SSC5D: variants seen among roughly 807,000 people sequenced by gnomAD.
SSC5D encodes scavenger receptor cysteine rich family member with 5 domains, also known as soluble scavenger receptor cysteine-rich domain-containing protein SSC5D.
In SSC5D, 106 loss-of-function variants were observed where a neutral mutation model predicts 104.6. The observed-to-expected ratio is 1.01, with a 90% CI of 0.87 to 1.19. SSC5D has a LOEUF of 1.19. Ranked by LOEUF, SSC5D falls within the 50% of genes most tolerant of loss-of-function variation. The pLI, the probability that SSC5D is intolerant of heterozygous loss-of-function variation, is 0.00. For synonymous variants in SSC5D, 860 were observed against 883.5 expected, an observed-to-expected ratio of 0.97 and a Z score of 0.47; for missense variants, 1,993 against 2,153.8, an observed-to-expected ratio of 0.93 and a Z score of 1.48.
rs1257498358 is a variant in SSC5D, at chr19:55,491,096, G to A, written c.895+16G>A. 3 of 1,541,554 alleles carry A rather than the reference G, an allele frequency of 1.9e-6. No homozygotes were observed. The highest frequency in any genetic ancestry group is 2.5e-5 in the East Asian group (1 of 40,688). On this transcript the variant is annotated intron_variant, in intron 6 of 13. Coordinates refer to ENST00000389623, the MANE Select transcript of SSC5D (RefSeq NM_001144950.2). ...GTCTGCACCGGTACGTCGGGCTGGG[G>A]CCTGGCCCCCTCCTGTCTTCCTCAG... is the stretch of plus-strand genomic sequence containing the variant.
chr19:55,490,676 G>A (rs1195661425), intron 5 of SSC5D, 96 bp from the exon 6 acceptor site: 23 of 1,353,990 alleles, frequency 1.7e-5, no homozygotes, highest in Admixed American at 8.6e-5. Context: ...TCAGGCCACC[G>A]CTCCCTCAGG....
At position 55,517,339 on chromosome 19, in the gene SSC5D, G is replaced by T. The variant is rs538672384; in HGVS notation, c.3063G>T (p.Ala1021=). 4.5e-6 allele frequency: 7 copies of T among 1,550,126 alleles called. No homozygotes were observed. The highest frequency in any genetic ancestry group is 2.0e-5 in the Admixed American group (1 of 50,980). Residue 1021 remains alanine, a synonymous_variant, in exon 14 of 14, where the codon GCG becomes GCT. Transcript: ENST00000389623. ...PSASPGPPGP[A]LTSDSSRELT... ...CCTCTCCGGGACCCCCAGGCCCAGC[G>T]CTGACCTCTGACTCCAGTCGAGAGC...
chr19:55,489,599 C>T lies in SSC5D; in HGVS notation c.298C>T (p.His100Tyr). Reference protein sequence around the residue: ...RGNEGQLGLCHHRGWKAHICS... With the variant: ...RGNEGQLGLCYHRGWKAHICS... Reference sequence around the variant, plus strand: ...CAACGAGGGGCAGCTGGGCCTCTGCCACCACCGGGGCTGGAAGGCCCACAT... The same window carrying T: ...CAACGAGGGGCAGCTGGGCCTCTGCTACCACCGGGGCTGGAAGGCCCACAT... Residue 100 changes from histidine (H) to tyrosine (Y), a missense_variant, in exon 3 of 14, where the codon CAC becomes TAC. By Grantham distance (83) the His-to-Tyr change is moderately conservative (BLOSUM62 2). Around this residue, in one of 6 missense-constraint regions of SSC5D, gnomAD observed 1,101 missense variants for 1,085.0 expected, o/e 1.01. Coordinates refer to ENST00000389623, the MANE Select transcript of SSC5D (RefSeq NM_001144950.2). The T allele has an allele frequency of 6.5e-7, 1 of 1,528,874 alleles. No individual in the cohort carries two copies. The highest frequency in any genetic ancestry group is 8.7e-7 in the Non-Finnish European group (1 of 1,142,862). 94.7% of individuals were successfully genotyped at this position (1,528,874 alleles called of 1,614,324 possible). A position where few individuals can be genotyped will look rare whatever the true frequency, so the allele number is the denominator to read the frequency against.
chr19:55,490,625 G>A (rs1987112731), intron 5 of SSC5D, 147 bp from the exon 6 acceptor site: 1 of 948,642 alleles, frequency 1.1e-6, no homozygotes, highest in Non-Finnish European at 1.5e-6. Flanking sequence ...GCCCGCTCAG[G>A]TCGTGGACTC....
In SSC5D at chr19:55,500,067, AGG is replaced by A; in HGVS notation, c.1959_1960del (p.Arg653SerfsTer18). 6.4e-7 allele frequency: 1 copy of A among 1,551,844 alleles called. No individual in the cohort carries two copies. The highest frequency in any genetic ancestry group is 8.7e-7 in the Non-Finnish European group (1 of 1,147,022). ...AGTGATGCCAACCACGAAACACTCC[AGG>A]GCCCAAAGCCCCCCAGACCTAACCT... ...PPVMPTTKHS[R>X]AQSPPDLTSQ... On this transcript the variant is annotated frameshift_variant, in exon 10 of 14. Coordinates refer to ENST00000389623, the MANE Select transcript of SSC5D (RefSeq NM_001144950.2). LOFTEE classifies it high-confidence loss of function. The surrounding 1 kb of genome is among the most constrained non-coding windows in gnomAD (Gnocchi z 4.6).
chr19:55,499,418 C>T (rs1383147035), intron 9 of SSC5D, among the ~76,000 whole-genome samples: 2 of 152,166 alleles, frequency 1.3e-5, no homozygotes, highest in Non-Finnish European at 2.9e-5. Context: ...CGGGAGTGGC[C>T]TGTCGGACCT....
chr19:55,499,982 G>A lies in SSC5D; in HGVS notation c.1872G>A (p.Met624Ile). 6.4e-7 allele frequency: 1 copy of A among 1,551,916 alleles called. No individual in the cohort carries two copies. Among genetic ancestry groups the A allele is most frequent in the Middle Eastern group, 1.7e-4 (1 of 5,994 alleles). ...CAACCACGAAGGCCCCAGGGAAAAT[G>A]CCTAAGAGTACTAAGAAGTGGGTGA... ...EKTTTKAPGK[M>I]PKSTKKWVTK... is the part of the protein sequence containing the mutation. Residue 624 changes from methionine to isoleucine, a missense_variant, in exon 10 of 14, where the codon ATG becomes ATA. By Grantham distance (10) the Met-to-Ile change is conservative. This residue lies in a region of SSC5D where 1,101 missense variants were observed against 1,085.0 expected (regional missense o/e 1.01). Coordinates refer to ENST00000389623, the MANE Select transcript of SSC5D (RefSeq NM_001144950.2).
At chr19:55,490,643 C>A in intron 5 of SSC5D, 129 bp from the exon 6 acceptor site, 2 of 1,142,114 alleles carry the variant, frequency 1.8e-6, no homozygotes, top group Non-Finnish European at 2.4e-6. Context: ...CTCACCTCTT[C>A]ACGGGCTGCC....
Position 55,519,036 on chromosome 19 carries a change from C to T in SSC5D, c.*38C>T. ...TTTGAGGGGCTTAAGACACCCCCAA[C>T]CAAAAAAAACAAAAACAAAAAAAAC... is the stretch of plus-strand genomic sequence containing the variant. On this transcript the variant is annotated 3_prime_UTR_variant, in exon 14 of 14. Transcript: ENST00000389623. The T allele has an allele frequency of 6.6e-7, 1 of 1,512,138 alleles. No individual in the cohort carries two copies. The highest frequency in any genetic ancestry group is 8.8e-7 in the Non-Finnish European group (1 of 1,133,812). The allele number at this position is 1,512,138 out of a possible 1,614,324, so 93.7% of individuals were successfully genotyped here. A position where few individuals can be genotyped will look rare whatever the true frequency, so the allele number is the denominator to read the frequency against.
rs768409728 is a variant in SSC5D at position 55,494,728 on chromosome 19, C to G, written c.1332C>G (p.Gly444=). ...CGAGCCAGGCTCCAGGGACGGCAGG[C>G]GTTTCACCTCCTCCAGCCTCCCCTA... is the stretch of plus-strand genomic sequence containing the variant. ...TMTSQAPGTA[G]VSPPPASPTV... The change falls in exon 8 of 14, where the codon GGC becomes GGG. Residue 444 remains glycine (G), a synonymous_variant. Transcript: ENST00000389623. The G allele has an allele frequency of 1.3e-5, 20 of 1,550,210 alleles. No individual in the cohort carries two copies. Among genetic ancestry groups the G allele is most frequent in the Middle Eastern group, 1.7e-4 (1 of 5,984 alleles).
rs1213019217 is a variant in SSC5D at position 55,519,031 on chromosome 19, C to T, written c.*33C>T. The T allele has an allele frequency of 5.9e-6, 9 of 1,515,750 alleles. No individual in the cohort carries two copies. The highest frequency in any genetic ancestry group is 7.9e-6 in the Non-Finnish European group (9 of 1,136,008). The allele number at this position is 1,515,750 out of a possible 1,614,324, so 93.9% of individuals were successfully genotyped here. On this transcript the variant is annotated 3_prime_UTR_variant, in exon 14 of 14. Coordinates refer to ENST00000389623, the MANE Select transcript of SSC5D (RefSeq NM_001144950.2). Reference sequence around the variant, plus strand: ...CAGGATTTGAGGGGCTTAAGACACCCCCAACCAAAAAAAACAAAAACAAAA... The same window carrying T: ...CAGGATTTGAGGGGCTTAAGACACCTCCAACCAAAAAAAACAAAAACAAAA...
Position 55,518,143 on chromosome 19 carries a change from C to A in SSC5D, c.3867C>A (p.Pro1289=). Residue 1289 remains proline, a synonymous_variant, in exon 14 of 14, where the codon CCC becomes CCA. Coordinates refer to ENST00000389623, the MANE Select transcript of SSC5D (RefSeq NM_001144950.2). ...TTPHPTTTPH[P]TTTPHPTTTP... ...CTCACCCCACCACGACTCCTCACCC[C>A]ACCACAACCCCTCACCCCACCACAA... The A allele has an allele frequency of 6.9e-7, 1 of 1,444,806 alleles. No individual in the cohort carries two copies. Among genetic ancestry groups the A allele is most frequent in the Non-Finnish European group, 9.3e-7 (1 of 1,077,568 alleles). 89.5% of individuals were successfully genotyped at this position (1,444,806 alleles called of 1,614,324 possible). A position where few individuals can be genotyped will look rare whatever the true frequency, so the allele number is the denominator to read the frequency against.
At chr19:55,510,896 A>G (rs537304232) in intron 12 of SSC5D, among the ~76,000 whole-genome samples, 1 of 152,202 alleles carries the variant, frequency 6.6e-6, no homozygotes, top group African/African-American at 2.4e-5. Flanking sequence ...CTCCCGCCTC[A>G]GCCTCCTGAG....
In SSC5D at chr19:55,489,588, T is replaced by C. The variant is rs1987071039; in HGVS notation, c.287T>C (p.Leu96Pro). 4 of 1,524,350 alleles carry C rather than the reference T, an allele frequency of 2.6e-6. No homozygotes were observed. Among genetic ancestry groups the C allele is most frequent in the Non-Finnish European group, 3.5e-6 (4 of 1,140,842 alleles). 94.4% of individuals were successfully genotyped at this position (1,524,350 alleles called of 1,614,324 possible). Residue 96 changes from leucine (L) to proline (P), a missense_variant, in exon 3 of 14, where the codon CTG becomes CCG. By Grantham distance (98) the Leu-to-Pro change is moderately conservative. Coordinates refer to ENST00000389623, the MANE Select transcript of SSC5D (RefSeq NM_001144950.2). Reference protein sequence around the residue: ...ELACRGNEGQLGLCHHRGWKA... With the variant: ...ELACRGNEGQPGLCHHRGWKA... ...GCTTGCCGGGGCAACGAGGGGCAGC[T>C]GGGCCTCTGCCACCACCGGGGCTGG...
Position 55,489,364 on chromosome 19 carries a change from C to CCTGGCCGATGGCCCCCATGGGTGCG in SSC5D, c.71_95dup (p.Leu33TrpfsTer22), listed in dbSNP as rs1448045313. ...TCCTCCAACCCTCAGAGCGCCTGCGCCTGGCCGATGGCCCCCATGGGTGCG... is the reference window on the plus strand; with the variant it reads ...TCCTCCAACCCTCAGAGCGCCTGCGCCTGGCCGATGGCCCCCATGGGTGCGCTGGCCGATGGCCCCCATGGGTGCG... On this transcript the variant is annotated frameshift_variant, in exon 3 of 14. Coordinates refer to ENST00000389623, the MANE Select transcript of SSC5D (RefSeq NM_001144950.2). LOFTEE classifies it high-confidence loss of function. 2 of 1,458,848 alleles carry CCTGGCCGATGGCCCCCATGGGTGCG rather than the reference C, an allele frequency of 1.4e-6. No individual in the cohort carries two copies. Among genetic ancestry groups the CCTGGCCGATGGCCCCCATGGGTGCG allele is most frequent in the Non-Finnish European group, 1.8e-6 (2 of 1,114,518 alleles). 90.4% of individuals were successfully genotyped at this position (1,458,848 alleles called of 1,614,324 possible).
In SSC5D at chr19:55,490,384, C is replaced by A; in HGVS notation, c.562C>A (p.Leu188Met). ...GGCCAAGTCCACCCGGGCCCCTCTGCTGACGACAGGAGCCCCCCGCCAAGG... is the reference window on the plus strand; with the variant it reads ...GGCCAAGTCCACCCGGGCCCCTCTGATGACGACAGGAGCCCCCCGCCAAGG... ...KQAKSTRAPL[L>M]TTGAPRQERL... Residue 188 changes from leucine (L) to methionine (M), a missense_variant, in exon 5 of 14, where the codon CTG (leucine) becomes ATG (methionine). Transcript: ENST00000389623. 6.7e-7 allele frequency: 1 copy of A among 1,494,648 alleles called. No homozygotes were observed. The highest frequency in any genetic ancestry group is 9.1e-7 in the Non-Finnish European group (1 of 1,104,502). The allele number at this position is 1,494,648 out of a possible 1,614,324, so 92.6% of individuals were successfully genotyped here.
chr19:55,513,935 G>A (rs1372835080), intron 13 of SSC5D, among the ~76,000 whole-genome samples: 2 of 152,174 alleles, frequency 1.3e-5, no homozygotes, highest in African/African-American at 4.8e-5. Flanking sequence ...ATGGCTGAGT[G>A]TATTTAGAAA....
Position 55,498,126 on chromosome 19 carries a change from C to G in SSC5D, c.1634C>G (p.Ser545Cys). 2 of 1,551,672 alleles carry G rather than the reference C, an allele frequency of 1.3e-6. No individual in the cohort carries two copies. Among genetic ancestry groups the G allele is most frequent in the Non-Finnish European group, 1.7e-6 (2 of 1,146,982 alleles). Reference protein sequence around the residue: ...VGCVGTEASLSDCPAAPWGKH... With the variant: ...VGCVGTEASLCDCPAAPWGKH... Reference sequence around the variant, plus strand: ...TGTGTGGGGACCGAGGCTTCACTGTCCGACTGCCCTGCTGCTCCCTGGGGA... The same window carrying G: ...TGTGTGGGGACCGAGGCTTCACTGTGCGACTGCCCTGCTGCTCCCTGGGGA... The change falls in exon 9 of 14, where the codon TCC (serine) becomes TGC (cysteine). Residue 545 changes from serine to cysteine, a missense_variant. Around this residue, in one of 6 missense-constraint regions of SSC5D, gnomAD observed 1,101 missense variants for 1,085.0 expected, o/e 1.01. Transcript: ENST00000389623.
At chr19:55,497,828 G>C (rs1179317376) in intron 8 of SSC5D, 52 bp from the exon 9 acceptor site, 3 of 1,462,756 alleles carry the variant, frequency 2.1e-6, no homozygotes, top group African/African-American at 1.4e-5. Flanking sequence ...TGAAGAGTCA[G>C]GAGGCTGGGC....
Sources: gnomAD v4.1 joint callset for allele counts (sites outside exome capture counted in the v4.1 genomes callset) on GRCh38, gnomAD v4.1.1 for gene constraint, gnomAD v4.1.1 regional missense constraint, Gnocchi (gnomAD v3.1) non-coding constraint, MANE v1.5 for transcripts, NCBI Gene and HGNC (gene_info 2026-07-23, HGNC 2026-07-21) for gene names.